Variants in NHEJ1 observed in about 807,000 individuals in gnomAD.
NHEJ1 encodes the protein non-homologous end joining factor 1.
In NHEJ1, 22 loss-of-function variants were observed where a neutral mutation model predicts 39.4. The ratio of observed to expected loss-of-function variants is 0.56; its 90% CI spans 0.40 to 0.80. The LOEUF (loss-of-function observed/expected upper bound fraction) is 0.80. Among genes scored for constraint, NHEJ1 ranks in the 30% least tolerant of loss-of-function variants. The pLI is 0.00. For missense variants in NHEJ1, 329 were observed against 357.1 expected (o/e 0.92, Z 0.63); for synonymous variants, 154 against 135.6 (o/e 1.14, Z -0.94).
intron 3 of NHEJ1, among the ~76,000 whole-genome samples, chr2:219,151,354 C>T (rs1372045041): frequency 6.6e-6 from 1 of 152,136 alleles, no homozygotes; most frequent in Admixed American, 6.6e-5. Context: ...TAGCAATTTC[C>T]TCGAGTGACA....
chr2:219,139,084 C>CTTTTCT (rs1355244642), intron 5 of NHEJ1, among the ~76,000 whole-genome samples: 3 of 151,776 alleles, frequency 2.0e-5, no homozygotes, highest in Admixed American at 6.6e-5. Flanking sequence ...TTCTCATTTT[C>CTTTTCT]TTTTCTTTTT....
At position 219,117,692 on chromosome 2, in the gene NHEJ1, G is replaced by C. The variant is rs372732187; in HGVS notation, c.588+28988C>G. 6.6e-5 allele frequency among the ~76,000 whole-genome samples: 10 copies of C among 152,274 alleles called. No homozygotes were observed. In the East Asian group the frequency reaches 1.5e-3, roughly 23 times the overall value. ...GGGAAGTGACATGGTGTAGTGGAAA[G>C]AGCATAGGCTTTCAATTCAGCTGAC... On this transcript the variant is annotated intron_variant, in intron 5 of 7. Transcript: ENST00000356853.
Position 219,076,282 on chromosome 2 carries a change from T to C in NHEJ1, c.*99A>G. The C allele has an allele frequency of 1.9e-6, 3 of 1,606,638 alleles. No individual in the cohort carries two copies. The highest frequency in any genetic ancestry group is 1.3e-5 in the African/African-American group (1 of 74,880). On this transcript the variant is annotated 3_prime_UTR_variant, in exon 8 of 8. Coordinates refer to ENST00000356853, the MANE Select transcript of NHEJ1 (RefSeq NM_024782.3). ...CCCTTACAGGAGGCCTCTGACTGTA[T>C]CACTATTTTAGAAATATTGCTGCCA...
At chr2:219,096,551 G>T (rs1949210202) in intron 5 of NHEJ1, among the ~76,000 whole-genome samples, 1 of 152,060 alleles carries the variant, frequency 6.6e-6, no homozygotes, top group Non-Finnish European at 1.5e-5. Context: ...ATGCAATGGG[G>T]GAAAAAAAGA....
rs539924254 is a variant in NHEJ1, at chr2:219,130,662, T to C, written c.588+16018A>G. The stretch of plus-strand genomic sequence containing the variant: ...TCTCCAGCTGTGCAAAGCCCCAGAA[T>C]TGAAGGGAAGATTTTTCTGTACATG... On this transcript the variant is annotated intron_variant, in intron 5 of 7. Transcript: ENST00000356853. Among the ~76,000 whole-genome samples, 183 of 152,282 alleles carry C rather than the reference T, an allele frequency of 1.2e-3. 1 individual carries two copies. Among genetic ancestry groups the C allele is most frequent in the Non-Finnish European group, 1.4e-3 (93 of 68,010 alleles).
At chr2:219,080,570 C>A (rs1949053861) in intron 5 of NHEJ1, among the ~76,000 whole-genome samples, 1 of 112,380 alleles carries the variant, frequency 8.9e-6, no homozygotes, top group Non-Finnish European at 1.9e-5. Context: ...TATATATATG[C>A]TTTTATATAT....
At chr2:219,083,471 G>GA (rs34925453) in intron 5 of NHEJ1, among the ~76,000 whole-genome samples, 87,586 of 147,352 alleles carry the variant, frequency 0.59, 27,096 homozygotes, top group Non-Finnish European at 0.69. Flanking sequence ...AAAATTACTA[G>GA]AAAAAAAAAA....
intron 5 of NHEJ1, among the ~76,000 whole-genome samples, chr2:219,119,561 C>G (rs182994959): frequency 2.0e-5 from 3 of 152,154 alleles, no homozygotes; most frequent in Non-Finnish European, 4.4e-5. Context: ...ATCCCTCCCC[C>G]TCACAAACCT....
chr2:219,089,958 G>C (rs1233830946), intron 5 of NHEJ1, among the ~76,000 whole-genome samples: 7 of 152,306 alleles, frequency 4.6e-5, no homozygotes, highest in Middle Eastern at 6.8e-3. Context: ...ATGGAATGTT[G>C]AAAGACCACA....
At position 219,077,274 on chromosome 2, in the gene NHEJ1, G is replaced by T; in HGVS notation, c.797C>A (p.Thr266Asn). Residue 266 changes from threonine (T) to asparagine (N), a missense_variant, in exon 7 of 8, where the codon ACC (threonine) becomes AAC (asparagine). Transcript: ENST00000356853. The stretch of plus-strand genomic sequence containing the variant: ...GGACTCTTTCTCAGGTGCTGAGAGG[G>T]TTGGGGCTGAGGAGACCAGTTGTTC... ...QPEQLVSSAP[T>N]LSAPEKESTG... The T allele has an allele frequency of 6.2e-7, 1 of 1,614,020 alleles. No homozygotes were observed. Among genetic ancestry groups the T allele is most frequent in the Non-Finnish European group, 8.5e-7 (1 of 1,179,898 alleles).
chr2:219,078,713 G>C (rs1949036212), intron 5 of NHEJ1, among the ~76,000 whole-genome samples: 1 of 152,158 alleles, frequency 6.6e-6, no homozygotes, highest in African/African-American at 2.4e-5. Context: ...AGCTGACAAA[G>C]CTTTTGAGGC....
At chr2:219,083,591 C>T (rs929136632) in intron 5 of NHEJ1, among the ~76,000 whole-genome samples, 5 of 151,854 alleles carry the variant, frequency 3.3e-5, no homozygotes, top group Admixed American at 1.3e-4. Flanking sequence ...TCATACTTAA[C>T]GGTTTATTTT....
At chr2:219,136,037 ACT>A (rs1949624613) in intron 5 of NHEJ1, among the ~76,000 whole-genome samples, 1 of 151,614 alleles carries the variant, frequency 6.6e-6, no homozygotes, top group Admixed American at 6.6e-5. Flanking sequence ...GGCCCCTACA[ACT>A]CTCTGTTGTC....
intron 3 of NHEJ1, among the ~76,000 whole-genome samples, chr2:219,153,882 T>C (rs974225166): frequency 4.6e-5 from 7 of 152,214 alleles, no homozygotes; most frequent in Non-Finnish European, 1.0e-4. Flanking sequence ...AGCTGCATAA[T>C]GTCTCTGAAA....
intron 5 of NHEJ1, chr2:219,124,832 T>C (rs1430717347): frequency 6.6e-6 from 1 of 152,196 alleles, no homozygotes; most frequent in African/African-American, 2.4e-5. Context: ...TGCTGCTTTA[T>C]TACAAGGCAG....
chr2:219,159,552 C>CATATATATGCATATATATATATGCAT lies in NHEJ1; in HGVS notation c.-1+1167_-1+1168insATGCATATATATATATGCATATATAT, dbSNP rs1553549829. On this transcript the variant is annotated intron_variant, in intron 1 of 7. Transcript: ENST00000356853. Reference sequence around the variant, plus strand: ...ATATATATATGCATATATATATATGCATATATATATGCATATATATATGCA... The same window carrying CATATATATGCATATATATATATGCAT: ...ATATATATATGCATATATATATATGCATATATATGCATATATATATATGCATATATATATATGCATATATATATGCA... Among the ~76,000 whole-genome samples, 4 of 66,386 alleles carry CATATATATGCATATATATATATGCAT rather than the reference C, an allele frequency of 6.0e-5. No homozygotes were observed. In the Admixed American group the frequency reaches 6.4e-4, roughly 11 times the overall value. The allele number at this position is 66,386 out of a possible 152,430, so 43.6% of individuals were successfully genotyped here.
intron 5 of NHEJ1, among the ~76,000 whole-genome samples, chr2:219,137,570 C>CAAAAAAAAAAAAAAAAAAAAAAAAA (rs58279021): frequency 5.8e-5 from 2 of 34,716 alleles, no homozygotes; most frequent in South Asian, 1.8e-3. Context: ...GTGTTACAGG[C>CAAAAAAAAAAAAAAAAAAAAAAAAA]AAAAAAAAAA....
intron 5 of NHEJ1, among the ~76,000 whole-genome samples, chr2:219,106,152 G>A (rs1204865980): frequency 6.6e-6 from 1 of 152,190 alleles, no homozygotes; most frequent in South Asian, 2.1e-4. Flanking sequence ...CCAGGACTAG[G>A]AGGCATCATG....
Position 219,081,114 on chromosome 2 carries a change from A to G in NHEJ1, c.589-2908T>C, listed in dbSNP as rs113137476. The stretch of plus-strand genomic sequence containing the variant: ...TGACAAGAAAAGGGAGCAGATAAAA[A>G]GGAGACAGGTGGACCAGATTGGACC... On this transcript the variant is annotated intron_variant, in intron 5 of 7. Transcript: ENST00000356853. Among the ~76,000 whole-genome samples the G allele has an allele frequency of 6.6e-3, 1,007 of 152,320 alleles. 8 individuals are homozygous for G. The highest frequency in any genetic ancestry group is 0.035 in the South Asian group (169 of 4,816).
Sources: allele counts gnomAD v4.1 joint callset (sites outside exome capture counted in the v4.1 genomes callset), GRCh38; gene constraint gnomAD v4.1.1; transcripts MANE v1.5; gene names NCBI Gene and HGNC (gene_info 2026-07-23, HGNC 2026-07-21).